Variants in TCF7L2 observed in about 807,000 individuals in gnomAD.
TCF7L2 encodes the protein transcription factor 7 like 2.
A neutral mutation model predicts 77.9 loss-of-function variants in TCF7L2; 23 were observed. That is an observed-to-expected ratio of 0.30 (90% CI 0.21 to 0.42). The LOEUF (loss-of-function observed/expected upper bound fraction) is 0.42. TCF7L2 is among the 10% of genes least tolerant of loss of function. The pLI, the probability that TCF7L2 is intolerant of heterozygous loss-of-function variation, is 1.00. For missense variants in TCF7L2, 654 were observed against 793.1 expected (o/e 0.82, Z 2.11); for synonymous variants, 413 against 340.2 (o/e 1.21, Z -2.36).
chr10:113,165,509 G>A (rs750800593), intron 13 of TCF7L2, 46 bp from the exon 15 acceptor site: 5 of 1,589,522 alleles, frequency 3.1e-6, no homozygotes, highest in South Asian at 1.1e-5. Context: ...CTCTCCCTTG[G>A]CATCTGTGCC....
chr10:113,063,666 C>CGTGCTTCGG (rs1272974614), intron 5 of TCF7L2, among the ~76,000 whole-genome samples: 1 of 152,132 alleles, frequency 6.6e-6, no homozygotes, highest in Non-Finnish European at 1.5e-5. Context: ...GTCCTCCTGG[C>CGTGCTTCGG]ATGCTTCTGT....
intron 4 of TCF7L2, among the ~76,000 whole-genome samples, chr10:112,966,294 A>G (rs906063447): frequency 2.5e-4 from 37 of 149,532 alleles, no homozygotes; most frequent in African/African-American, 9.0e-4. Flanking sequence ...TCTTGATTTT[A>G]CCCTTCTCCA....
At chr10:112,999,604 G>A (rs2044115454) in intron 4 of TCF7L2, among the ~76,000 whole-genome samples, 1 of 152,178 alleles carries the variant, frequency 6.6e-6, no homozygotes, top group Non-Finnish European at 1.5e-5. Flanking sequence ...TTCTCATGGT[G>A]TGGATGAAAA....
Position 113,165,535 on chromosome 10 carries a change from A to G in TCF7L2, c.1392-20A>G, listed in dbSNP as rs2073985873. The G allele has an allele frequency of 1.2e-6, 2 of 1,611,094 alleles. No homozygotes were observed. Among genetic ancestry groups the G allele is most frequent in the South Asian group, 1.1e-5 (1 of 90,808 alleles). On this transcript the variant is annotated intron_variant, in intron 13 of 13. Transcript: ENST00000627217. Reference sequence around the variant, plus strand: ...CATCTGTGCCCTCTATTCACAGATAACTCTCTCCCCTGTTTCTAGGAGAAA... The same window carrying G: ...CATCTGTGCCCTCTATTCACAGATAGCTCTCTCCCCTGTTTCTAGGAGAAA...
intron 5 of TCF7L2, among the ~76,000 whole-genome samples, chr10:113,097,123 A>T (rs2061073885): frequency 6.6e-6 from 1 of 152,008 alleles, no homozygotes; most frequent in African/African-American, 2.4e-5. Flanking sequence ...GGTCCTGCAC[A>T]CTCTGTCACG....
chr10:113,091,864 T>C (rs1260551245), intron 5 of TCF7L2, among the ~76,000 whole-genome samples: 2 of 152,198 alleles, frequency 1.3e-5, no homozygotes, highest in African/African-American at 4.8e-5. Flanking sequence ...CTGGCCTGGG[T>C]CTGATAGAGC....
chr10:112,964,371 A>C (rs773556723), intron 3 of TCF7L2, among the ~76,000 whole-genome samples, 185 bp from the exon 4 acceptor site: 3 of 152,072 alleles, frequency 2.0e-5, no homozygotes, highest in Non-Finnish European at 4.4e-5. Context: ...AAAACAAAAA[A>C]ACTTTACCTT....
chr10:113,129,755 GAA>G, intron 5 of TCF7L2: 1 of 1,254,704 alleles, frequency 8.0e-7, no homozygotes, highest in Non-Finnish European at 1.0e-6. Flanking sequence ...GGAGGAAAAA[GAA>G]AAGTGAGAAA....
chr10:112,967,030 G>A (rs1219863158), intron 4 of TCF7L2, among the ~76,000 whole-genome samples: 4 of 143,126 alleles, frequency 2.8e-5, no homozygotes, highest in Non-Finnish European at 1.5e-5. Flanking sequence ...ATTTTAGTTT[G>A]ATCCTCAAAG....
At chr10:113,107,411 A>G (rs2062473615) in intron 5 of TCF7L2, among the ~76,000 whole-genome samples, 1 of 152,052 alleles carries the variant, frequency 6.6e-6, no homozygotes, top group South Asian at 2.1e-4. Context: ...GGGGCTGTTG[A>G]CTGATACCCA....
In TCF7L2 at chr10:113,165,536, C is replaced by G; in HGVS notation, c.1392-19C>G. ...ATCTGTGCCCTCTATTCACAGATAA[C>G]TCTCTCCCCTGTTTCTAGGAGAAAA... On this transcript the variant is annotated intron_variant, in intron 13 of 13. Coordinates refer to ENST00000627217, the MANE Select transcript of TCF7L2 (RefSeq NM_001146274.2). 1 of 1,612,762 alleles carries G rather than the reference C, an allele frequency of 6.2e-7. No individual in the cohort carries two copies. The highest frequency in any genetic ancestry group is 8.5e-7 in the Non-Finnish European group (1 of 1,179,376).
intron 4 of TCF7L2, among the ~76,000 whole-genome samples, chr10:112,994,255 TC>T (rs1328111920): frequency 6.6e-6 from 1 of 151,870 alleles, no homozygotes; most frequent in African/African-American, 2.4e-5. Context: ...TCATTTCCTC[TC>T]CCCCCAGCCC....
chr10:113,024,222 T>C (rs1182278837), intron 4 of TCF7L2, among the ~76,000 whole-genome samples: 1 of 152,016 alleles, frequency 6.6e-6, no homozygotes. Context: ...GGCTTGAACC[T>C]GGGAGGCGGA....
intron 13 of TCF7L2, among the ~76,000 whole-genome samples, chr10:113,165,073 T>TCACA (rs1162961719): frequency 1.3e-5 from 2 of 151,830 alleles, no homozygotes; most frequent in Non-Finnish European, 2.9e-5. Flanking sequence ...ACTCACACAC[T>TCACA]CACACACACA....
chr10:113,041,346 C>A (rs2052408517), intron 5 of TCF7L2, among the ~76,000 whole-genome samples: 2 of 152,196 alleles, frequency 1.3e-5, no homozygotes, highest in Admixed American at 6.5e-5. Flanking sequence ...CTCATAATTA[C>A]ATCTGCTCCT....
chr10:113,108,738 C>G (rs958152928), intron 5 of TCF7L2, among the ~76,000 whole-genome samples: 1 of 152,190 alleles, frequency 6.6e-6, no homozygotes, highest in Non-Finnish European at 1.5e-5. Flanking sequence ...GACTGCCTGC[C>G]CTGGTCGTGG....
At chr10:113,026,100 A>G (rs1257908878) in intron 4 of TCF7L2, among the ~76,000 whole-genome samples, 1 of 151,482 alleles carries the variant, frequency 6.6e-6, no homozygotes, top group Non-Finnish European at 1.5e-5. Flanking sequence ...GCTGGTCTTG[A>G]ACTCCTGACC....
In TCF7L2 at chr10:113,151,855, G is replaced by A. The variant is rs2137154940; in HGVS notation, c.1132G>A (p.Ala378Thr). Reference sequence around the variant, plus strand: ...AGCTGAGTGCACGTTGAAAGAAAGCGCGGCCATCAACCAGATCCTTGGGCG... The same window carrying A: ...AGCTGAGTGCACGTTGAAAGAAAGCACGGCCATCAACCAGATCCTTGGGCG... Residue 378 changes from alanine to threonine, a missense_variant, in exon 10 of 14, where the codon GCG becomes ACG. Physicochemically the swap from Ala to Thr is moderately conservative, Grantham distance 58. This residue lies in a region of TCF7L2 where 31 missense variants were observed against 116.1 expected (regional missense o/e 0.27). Coordinates refer to ENST00000627217, the MANE Select transcript of TCF7L2 (RefSeq NM_001146274.2). The surrounding 1 kb of genome is among the most constrained non-coding windows in gnomAD (Gnocchi z 5.2). 6.2e-7 allele frequency: 1 copy of A among 1,611,458 alleles called. No homozygotes were observed. Among genetic ancestry groups the A allele is most frequent in the Non-Finnish European group, 8.5e-7 (1 of 1,179,372 alleles).
intron 4 of TCF7L2, among the ~76,000 whole-genome samples, chr10:113,021,788 G>A (rs576473556): frequency 3.3e-5 from 5 of 152,320 alleles, no homozygotes; most frequent in East Asian, 3.9e-4. Context: ...TGTTGACAGC[G>A]TGGACTTTTG....
Sources: gnomAD v4.1 joint callset for allele counts (sites outside exome capture counted in the v4.1 genomes callset) on GRCh38, gnomAD v4.1.1 for gene constraint, gnomAD v4.1.1 regional missense constraint, Gnocchi (gnomAD v3.1) non-coding constraint, MANE v1.5 for transcripts, NCBI Gene and HGNC (gene_info 2026-07-23, HGNC 2026-07-21) for gene names.